TXNDC11: variants seen among roughly 807,000 people sequenced by gnomAD.
TXNDC11 encodes thioredoxin domain-containing protein 11.
TXNDC11 carries 68 observed loss-of-function variants against 78.0 expected under a neutral mutation model. The observed-to-expected ratio is 0.87, with a 90% CI of 0.72 to 1.07. TXNDC11 has a LOEUF of 1.07. TXNDC11 is among the 50% of genes least tolerant of loss of function. The pLI is 0.00. For missense variants in TXNDC11, 1,389 were observed against 1,221.8 expected (o/e 1.14, Z -2.04); for synonymous variants, 571 against 495.2 (o/e 1.15, Z -2.03).
intron 6 of TXNDC11, among the ~76,000 whole-genome samples, chr16:11,699,640 A>G (rs578127249): frequency 6.6e-6 from 1 of 152,276 alleles, no homozygotes; most frequent in South Asian, 2.1e-4. Context: ...GGCGACTGGC[A>G]AGCAAGGGGG....
rs570693250 is a variant in TXNDC11, at chr16:11,730,761, C to T, written c.583G>A (p.Glu195Lys). The change falls in exon 4 of 12, where the codon GAA (glutamate) becomes AAA (lysine). Residue 195 changes from glutamate to lysine, a missense_variant. Transcript: ENST00000283033. ...ACAGCACTCATGGGGCCTTTGTATT[C>T]GATTGGTCCAAAACTAGTACCAAAA... ...YLYHRSFGPI[E>K]YKGPMSAVYI... 1.1e-5 allele frequency: 17 copies of T among 1,597,484 alleles called. No individual in the cohort carries two copies. The highest frequency in any genetic ancestry group is 1.0e-4 in the South Asian group (9 of 88,022).
intron 11 of TXNDC11, among the ~76,000 whole-genome samples, chr16:11,683,371 T>G (rs896038017): frequency 3.3e-5 from 5 of 152,170 alleles, no homozygotes; most frequent in African/African-American, 1.2e-4. Flanking sequence ...AAAACCCCTT[T>G]GTAGGCCTCC....
rs764225394 is a variant in TXNDC11, at chr16:11,691,676, T to C, written c.1514A>G (p.Tyr505Cys). 6.2e-7 allele frequency: 1 copy of C among 1,614,088 alleles called. No individual in the cohort carries two copies. The highest frequency in any genetic ancestry group is 2.2e-5 in the East Asian group (1 of 44,902). The change falls in exon 8 of 12, where the codon TAC becomes TGC. Residue 505 changes from tyrosine (Y) to cysteine (C), a missense_variant. Physicochemically the swap from Tyr to Cys is radical, Grantham distance 194 (BLOSUM62 -2). Coordinates refer to ENST00000283033, the MANE Select transcript of TXNDC11 (RefSeq NM_015914.7). ...GCTTATGGTCCTGCAACATGCAGTG[T>C]AGTAGCTGAAGGGGCTATAGGAAGT... The part of the protein sequence containing the change: ...FLTSYSPFSY[Y>C]TACCRTISRG...
At chr16:11,707,479 C>T (rs1284401900) in intron 5 of TXNDC11, among the ~76,000 whole-genome samples, 4 of 150,734 alleles carry the variant, frequency 2.7e-5, no homozygotes, top group Non-Finnish European at 5.9e-5. Context: ...GACAGAGTCT[C>T]ACTTTGTCAC....
At chr16:11,706,247 T>A (rs2051176305) in intron 5 of TXNDC11, among the ~76,000 whole-genome samples, 1 of 152,248 alleles carries the variant, frequency 6.6e-6, no homozygotes, top group Non-Finnish European at 1.5e-5. Context: ...AATTAGTTAC[T>A]AACCAGTTTC....
intron 1 of TXNDC11, 91 bp downstream of exon 1, chr16:11,742,386 G>A (rs2052427439): frequency 1.8e-6 from 2 of 1,114,690 alleles, no homozygotes; most frequent in South Asian, 2.3e-5. Context: ...CGACTTCCCC[G>A]GCTGAGGCCG....
intron 5 of TXNDC11, among the ~76,000 whole-genome samples, chr16:11,703,316 T>A (rs372444635): frequency 2.6e-5 from 4 of 152,326 alleles, no homozygotes; most frequent in African/African-American, 2.4e-5. Flanking sequence ...ATGTGTTTCT[T>A]AAAGAGGTAT....
intron 8 of TXNDC11, among the ~76,000 whole-genome samples, chr16:11,689,315 A>G (rs1242011516): frequency 6.6e-6 from 1 of 152,196 alleles, no homozygotes; most frequent in Non-Finnish European, 1.5e-5. Context: ...TGGGCAATGC[A>G]GCGTGCAGAA....
chr16:11,738,472 A>G (rs993746188), intron 1 of TXNDC11, among the ~76,000 whole-genome samples: 1 of 152,250 alleles, frequency 6.6e-6, no homozygotes, highest in African/African-American at 2.4e-5. Context: ...GGAAGACAGG[A>G]AAAACATCAA....
At chr16:11,683,768 T>G (rs948043925) in intron 11 of TXNDC11, among the ~76,000 whole-genome samples, 9 of 151,056 alleles carry the variant, frequency 6.0e-5, no homozygotes, top group African/African-American at 2.2e-4. Context: ...TTTTTTTTTT[T>G]TGAGGCAGAG....
chr16:11,688,845 C>T (rs2050635631), intron 8 of TXNDC11, among the ~76,000 whole-genome samples: 1 of 152,188 alleles, frequency 6.6e-6, no homozygotes, highest in African/African-American at 2.4e-5. Flanking sequence ...GCACAAGCTA[C>T]AGTAGTGTGG....
chr16:11,716,614 T>A (rs949172862), intron 5 of TXNDC11, among the ~76,000 whole-genome samples: 9 of 152,106 alleles, frequency 5.9e-5, no homozygotes, highest in African/African-American at 2.2e-4. Context: ...CTATAAAAAA[T>A]TAAAAGGAAG....
intron 10 of TXNDC11, among the ~76,000 whole-genome samples, chr16:11,686,848 T>G (rs2050579596): frequency 6.6e-6 from 1 of 152,226 alleles, no homozygotes; most frequent in Admixed American, 6.5e-5. Context: ...TCCTGGCCCC[T>G]CATTTGCAGC....
rs560075677 is a variant in TXNDC11, at chr16:11,742,493, G to C, written c.238C>G (p.Leu80Val). The change falls in exon 1 of 12, where the codon CTC (leucine) becomes GTC (valine). Residue 80 changes from leucine (L) to valine (V), a missense_variant. Coordinates refer to ENST00000283033, the MANE Select transcript of TXNDC11 (RefSeq NM_015914.7). ...CCGCCTCACCTGCAGGTGAACTTGA[G>C]GGCGAGGAGCAGCGCGCAGCCGAGC... Reference protein sequence around the residue: ...VALGCALLLALKFTCSRAKDV... With the variant: ...VALGCALLLAVKFTCSRAKDV... 6.0e-4 allele frequency: 872 copies of C among 1,450,756 alleles called. 2 individuals carry two copies. The African/African-American group carries it at 0.012, about 20-fold the overall frequency. 89.9% of individuals were successfully genotyped at this position (1,450,756 alleles called of 1,614,324 possible).
chr16:11,741,287 C>G (rs1381541728), intron 1 of TXNDC11, among the ~76,000 whole-genome samples: 1 of 152,142 alleles, frequency 6.6e-6, no homozygotes, highest in Non-Finnish European at 1.5e-5. Context: ...CAATACAGAT[C>G]TTATAAACTG....
chr16:11,730,325 T>C (rs1191454622), intron 4 of TXNDC11, among the ~76,000 whole-genome samples: 1 of 152,224 alleles, frequency 6.6e-6, no homozygotes, highest in Non-Finnish European at 1.5e-5. Context: ...GTAATATTCT[T>C]AGAAATTTGC....
chr16:11,714,362 C>A (rs1053092363), intron 5 of TXNDC11, among the ~76,000 whole-genome samples: 1 of 152,148 alleles, frequency 6.6e-6, no homozygotes, highest in Non-Finnish European at 1.5e-5. Context: ...ACCATCTGGC[C>A]GCGCTCGTTG....
At chr16:11,733,398 G>A (rs529143591) in intron 3 of TXNDC11, among the ~76,000 whole-genome samples, 2 of 152,144 alleles carry the variant, frequency 1.3e-5, no homozygotes, top group Admixed American at 6.5e-5. Flanking sequence ...AGGGAGGTGG[G>A]TGCCTGTAGT....
intron 7 of TXNDC11, among the ~76,000 whole-genome samples, chr16:11,696,926 CACA>C (rs2050875189): frequency 6.6e-6 from 1 of 152,188 alleles, no homozygotes; most frequent in African/African-American, 2.4e-5. Context: ...TCTCCAAATC[CACA>C]ACCACAGCCA....
Sources: gnomAD v4.1 joint callset for allele counts (sites outside exome capture counted in the v4.1 genomes callset) on GRCh38, gnomAD v4.1.1 for gene constraint, MANE v1.5 for transcripts, NCBI Gene and HGNC (gene_info 2026-07-23, HGNC 2026-07-21) for gene names.